Variants in ARHGAP32 observed in about 807,000 individuals in gnomAD.
ARHGAP32 encodes Rho GTPase activating protein 32.
A neutral mutation model predicts 186.5 loss-of-function variants in ARHGAP32; 51 were observed. The ratio of observed to expected loss-of-function variants is 0.27; its 90% confidence interval spans 0.22 to 0.35. The LOEUF (loss-of-function observed/expected upper bound fraction) is 0.35. Ranked by LOEUF, ARHGAP32 falls within the 10% of genes least tolerant of loss-of-function variation. The pLI is 1.00. For missense variants in ARHGAP32, 2,186 were observed against 2,623.5 expected, an observed-to-expected ratio of 0.83 and a Z score of 3.64; for synonymous variants, 950 against 964.3, an observed-to-expected ratio of 0.99 and a Z score of 0.27.
intron 1 of ARHGAP32, among the ~76,000 whole-genome samples, chr11:129,245,484 G>A (rs1945079640): frequency 6.7e-6 from 1 of 150,138 alleles, no homozygotes; most frequent in African/African-American, 2.4e-5. Flanking sequence ...AGCATTGGGA[G>A]ATATACCTAA....
At chr11:129,112,474 A>T (rs1406022514) in intron 5 of ARHGAP32, among the ~76,000 whole-genome samples, 10 of 151,200 alleles carry the variant, frequency 6.6e-5, no homozygotes, top group South Asian at 4.2e-4. Context: ...TTTTTTTTTT[A>T]AATTAGTTTT....
Position 129,078,699 on chromosome 11 carries a change from G to C in ARHGAP32, c.532-11831C>G, listed in dbSNP as rs181000990. The stretch of plus-strand genomic sequence containing the variant: ...GTAGAGACAGGGTTTCACCATGTTG[G>C]CCAGGCTGGTCTCAAACTCCTAACC... On this transcript the variant is annotated intron_variant, in intron 6 of 22. Transcript: ENST00000682385. Among the ~76,000 whole-genome samples, 84 of 152,034 alleles carry C rather than the reference G, an allele frequency of 5.5e-4. No homozygotes were observed. The East Asian group carries it at 0.014, about 26-fold the overall frequency.
intron 11 of ARHGAP32, among the ~76,000 whole-genome samples, chr11:129,000,292 G>A (rs542299965): frequency 6.6e-6 from 1 of 152,244 alleles, no homozygotes; most frequent in East Asian, 1.9e-4. Context: ...AAAACTGAAA[G>A]TAAATCCCTT....
At chr11:129,165,431 T>C (rs940323786) in intron 1 of ARHGAP32, among the ~76,000 whole-genome samples, 4 of 151,438 alleles carry the variant, frequency 2.6e-5, no homozygotes, top group African/African-American at 4.9e-5. Context: ...AAAATAGCAA[T>C]AGAAAAATTC....
chr11:129,268,348 A>G (rs1186069330), intron 1 of ARHGAP32, among the ~76,000 whole-genome samples: 1 of 152,212 alleles, frequency 6.6e-6, no homozygotes, highest in Admixed American at 6.5e-5. Context: ...ATTTCATAGA[A>G]TGAGATACAT....
At position 128,974,570 on chromosome 11, in the gene ARHGAP32, A is replaced by G. The variant is rs2136081127; in HGVS notation, c.2627T>C (p.Leu876Pro). Residue 876 changes from leucine (L) to proline (P), a missense_variant, in exon 21 of 23, where the codon CTG becomes CCG. By Grantham distance (98) the Leu-to-Pro change is moderately conservative. Coordinates refer to ENST00000682385, the MANE Select transcript of ARHGAP32 (RefSeq NM_001378024.1). ...SEPVSPLQEKLSPFFTLDLSP... is the reference protein window; with the variant it reads ...SEPVSPLQEKPSPFFTLDLSP... The stretch of plus-strand genomic sequence containing the variant: ...CAAGTCCAGGGTAAAGAATGGACTC[A>G]GTTTCTCCTGAAGAGGAGAGACAGG... The G allele has an allele frequency of 1.2e-6, 2 of 1,614,032 alleles. No individual in the cohort carries two copies. Among genetic ancestry groups the G allele is most frequent in the Middle Eastern group, 1.6e-4 (1 of 6,062 alleles).
intron 5 of ARHGAP32, among the ~76,000 whole-genome samples, chr11:129,106,065 T>C (rs1375314736): frequency 6.6e-6 from 1 of 152,194 alleles, no homozygotes; most frequent in Admixed American, 6.5e-5. Context: ...TTATATACTG[T>C]TGTTGGGAAT....
At chr11:129,051,125 T>C (rs980524473) in intron 10 of ARHGAP32, among the ~76,000 whole-genome samples, 2 of 152,226 alleles carry the variant, frequency 1.3e-5, no homozygotes, top group African/African-American at 4.8e-5. Flanking sequence ...GTCTTTATAG[T>C]AGAATAATTT....
At chr11:129,053,776 T>C (rs1051546010) in intron 10 of ARHGAP32, among the ~76,000 whole-genome samples, 3 of 152,300 alleles carry the variant, frequency 2.0e-5, no homozygotes, top group African/African-American at 7.2e-5. Flanking sequence ...ATCACATAAT[T>C]CCCCTTCTCT....
Position 129,148,906 on chromosome 11 carries a change from A to G in ARHGAP32, c.225+15413T>C, listed in dbSNP as rs572237552. Among the ~76,000 whole-genome samples, 18 of 152,194 alleles carry G rather than the reference A, an allele frequency of 1.2e-4. 1 individual carries two copies. In the South Asian group the frequency reaches 3.7e-3, roughly 32 times the overall value. On this transcript the variant is annotated intron_variant, in intron 2 of 22. Transcript: ENST00000682385. Reference sequence around the variant, plus strand: ...TGGAACATAACCCCATTGGCCTGAGAACCACCCCCTCAATCCCCTACAGTG... The same window carrying G: ...TGGAACATAACCCCATTGGCCTGAGGACCACCCCCTCAATCCCCTACAGTG...
chr11:129,224,780 A>AAG (rs966224125), intron 1 of ARHGAP32, among the ~76,000 whole-genome samples: 1 of 150,884 alleles, frequency 6.6e-6, no homozygotes, highest in African/African-American at 2.5e-5. Flanking sequence ...AAAAAAAAAA[A>AAG]AAAAAAAAAA....
chr11:129,067,320 CT>C (rs1048432222), intron 6 of ARHGAP32, among the ~76,000 whole-genome samples: 3 of 152,094 alleles, frequency 2.0e-5, no homozygotes, highest in African/African-American at 4.8e-5. Flanking sequence ...AAGTCTTCCT[CT>C]ATAAATATTT....
intron 1 of ARHGAP32, among the ~76,000 whole-genome samples, chr11:129,233,043 A>G (rs1944879076): frequency 1.3e-5 from 2 of 152,216 alleles, no homozygotes; most frequent in Admixed American, 6.5e-5. Flanking sequence ...CATGAATTTC[A>G]TCATATTCCA....
At chr11:129,256,714 C>A (rs1945259264) in intron 1 of ARHGAP32, among the ~76,000 whole-genome samples, 1 of 152,124 alleles carries the variant, frequency 6.6e-6, no homozygotes, top group Admixed American at 6.6e-5. Flanking sequence ...GAAAGAATAT[C>A]ATAACGGGCA....
At position 129,224,219 on chromosome 11, in the gene ARHGAP32, A is replaced by G. The variant is rs1389493303; in HGVS notation, c.-5+54927T>C. 2.0e-5 allele frequency among the ~76,000 whole-genome samples: 3 copies of G among 152,190 alleles called. No individual in the cohort carries two copies. In the East Asian group the frequency reaches 5.8e-4, roughly 29 times the overall value. On this transcript the variant is annotated intron_variant, in intron 1 of 6. Coordinates refer to the ARHGAP32 transcript ENST00000525234. ...GCAGAATTCTCAGAATTGGGCTGGA[A>G]TATATGGCAAGAGATTCAAATTTCA...
intron 11 of ARHGAP32, among the ~76,000 whole-genome samples, chr11:129,017,319 T>C (rs1035347760): frequency 6.6e-6 from 1 of 151,726 alleles, no homozygotes; most frequent in African/African-American, 2.4e-5. Context: ...CCGGGTGTGG[T>C]GGCGGGCACC....
chr11:129,052,663 G>A (rs924187871), intron 10 of ARHGAP32, among the ~76,000 whole-genome samples: 3 of 151,042 alleles, frequency 2.0e-5, no homozygotes, highest in African/African-American at 7.3e-5. Flanking sequence ...TATTATACAT[G>A]GGTTTTATAC....
intron 1 of ARHGAP32, among the ~76,000 whole-genome samples, chr11:129,254,964 C>G (rs1036880275): frequency 8.5e-5 from 13 of 152,106 alleles, no homozygotes; most frequent in African/African-American, 2.9e-4. Flanking sequence ...TGATGGCTAA[C>G]TGGATTAATG....
chr11:129,024,241 G>T, intron 11 of ARHGAP32: 2 of 925,506 alleles, frequency 2.2e-6, no homozygotes, highest in Non-Finnish European at 2.6e-6. Flanking sequence ...TGCAGAACAG[G>T]CTTCACCAGA....
Sources: allele counts gnomAD v4.1 joint callset (sites outside exome capture counted in the v4.1 genomes callset), GRCh38; gene constraint gnomAD v4.1.1; transcripts MANE v1.5; gene names NCBI Gene and HGNC (gene_info 2026-07-23, HGNC 2026-07-21).